TNIP3: variants seen among roughly 807,000 people sequenced by gnomAD.
TNIP3 encodes the protein TNFAIP3 interacting protein 3.
Under a neutral mutation model 54.1 loss-of-function variants are expected in TNIP3, and 34 were observed. The observed-to-expected ratio is 0.63, with a 90% confidence interval of 0.48 to 0.84. The LOEUF (loss-of-function observed/expected upper bound fraction) is 0.84. TNIP3 is among the 40% of genes least tolerant of loss of function. The pLI is 0.00. For synonymous variants in TNIP3, 134 were observed against 136.8 expected, an observed-to-expected ratio of 0.98 and a Z score of 0.14; for missense variants, 366 against 387.6, an observed-to-expected ratio of 0.94 and a Z score of 0.47.
chr4:121,195,372 A>C (rs902470962), intron 2 of TNIP3, among the ~76,000 whole-genome samples: 2 of 152,216 alleles, frequency 1.3e-5, no homozygotes, highest in African/African-American at 2.4e-5. Context: ...AGACAGCATC[A>C]CATAGATTAA....
chr4:121,138,684 G>A lies in TNIP3; in HGVS notation c.886C>T (p.Pro296Ser). 6.2e-7 allele frequency: 1 copy of A among 1,613,466 alleles called. No individual in the cohort carries two copies. Among genetic ancestry groups the A allele is most frequent in the Admixed American group, 1.7e-5 (1 of 59,998 alleles). Residue 296 changes from proline to serine, a missense_variant and splice_region_variant, in exon 10 of 11, where the codon CCA becomes TCA. Pro to Ser is a moderately conservative substitution (Grantham distance 74). Transcript: ENST00000057513. Reference sequence around the variant, plus strand: ...TCAAGAGCATACCACTGATAGTCTGGCTGTGTGGAACAATACAACATTATT... The same window carrying A: ...TCAAGAGCATACCACTGATAGTCTGACTGTGTGGAACAATACAACATTATT... ...GAVQKQREHP[P>S]DYQWYALDQL...
At chr4:121,217,747 T>G (rs934839643), upstream of TNIP3, among the ~76,000 whole-genome samples, 3 of 152,244 alleles carry the variant, frequency 2.0e-5, no homozygotes, top group Non-Finnish European at 2.9e-5. Flanking sequence ...ACATGAAGGC[T>G]TAAATATTTA....
At chr4:121,154,867 T>C (rs115375663) in intron 4 of TNIP3, among the ~76,000 whole-genome samples, 188 bp from the exon 5 acceptor site, 1,973 of 152,112 alleles carry the variant, frequency 0.013, 21 homozygotes, top group Non-Finnish European at 0.02. Context: ...GGATGCACAC[T>C]AGAATTAGGA....
chr4:121,171,088 T>G (rs1731039922), intron 3 of TNIP3, among the ~76,000 whole-genome samples: 1 of 152,200 alleles, frequency 6.6e-6, no homozygotes, highest in South Asian at 2.1e-4. Context: ...AGTGCTGAGA[T>G]CACAGGCGTG....
upstream of TNIP3, chr4:121,164,421 G>A: frequency 1.0e-6 from 1 of 998,674 alleles, no homozygotes; most frequent in Non-Finnish European, 1.3e-6. Flanking sequence ...TAAGACCTGG[G>A]GCAGATTAGC....
chr4:121,161,334 C>T, intron 1 of TNIP3, 118 bp from the exon 2 acceptor site: 4 of 792,262 alleles, frequency 5.0e-6, no homozygotes, highest in Non-Finnish European at 7.9e-6. Context: ...TTAAAAAATA[C>T]CTGATTCTAG....
chr4:121,163,466 C>A (rs1396242767), intron 1 of TNIP3, among the ~76,000 whole-genome samples: 2 of 152,102 alleles, frequency 1.3e-5, no homozygotes, highest in Non-Finnish European at 2.9e-5. Flanking sequence ...TATAATTATT[C>A]CCTATAAAGT....
At chr4:121,132,895 C>T (rs1014642423) in intron 10 of TNIP3, among the ~76,000 whole-genome samples, 19 of 152,160 alleles carry the variant, frequency 1.2e-4, no homozygotes, top group African/African-American at 4.6e-4. Context: ...TGGCCTCGTT[C>T]TAATTATGCC....
At chr4:121,138,847 C>G (rs1302531629) in intron 9 of TNIP3, among the ~76,000 whole-genome samples, 163 bp from the exon 10 acceptor site, 3 of 152,150 alleles carry the variant, frequency 2.0e-5, no homozygotes, top group Non-Finnish European at 4.4e-5. Flanking sequence ...CCCCCCATCA[C>G]TGCCATCATC....
In TNIP3 at chr4:121,132,522, G is replaced by A; in HGVS notation, c.*109C>T. On this transcript the variant is annotated 3_prime_UTR_variant, in exon 11 of 11. Coordinates refer to ENST00000057513, the MANE Select transcript of TNIP3 (RefSeq NM_024873.6). Reference sequence around the variant, plus strand: ...AAACATGACCAGGCACAAATAACAGGGTAGATGATGTGCCTTTGTGGCAGA... The same window carrying A: ...AAACATGACCAGGCACAAATAACAGAGTAGATGATGTGCCTTTGTGGCAGA... 9.9e-7 allele frequency: 1 copy of A among 1,008,794 alleles called. No individual in the cohort carries two copies. The highest frequency in any genetic ancestry group is 1.5e-6 in the Non-Finnish European group (1 of 647,358). The allele number at this position is 1,008,794 out of a possible 1,614,324, so 62.5% of individuals were successfully genotyped here. A position where few individuals can be genotyped will look rare whatever the true frequency, so the allele number is the denominator to read the frequency against.
At chr4:121,212,902 A>C (rs971820130) in intron 2 of TNIP3, among the ~76,000 whole-genome samples, 4 of 152,344 alleles carry the variant, frequency 2.6e-5, no homozygotes, top group Non-Finnish European at 5.9e-5. Context: ...TTTAGTTTTC[A>C]CTTAGCACAT....
At chr4:121,145,264 A>G (rs977549117) in intron 7 of TNIP3, among the ~76,000 whole-genome samples, 6 of 152,344 alleles carry the variant, frequency 3.9e-5, no homozygotes, top group African/African-American at 1.2e-4. Context: ...ATCTCTGTGA[A>G]TTCTATCATT....
chr4:121,209,056 A>G (rs535954331), intron 2 of TNIP3, among the ~76,000 whole-genome samples: 101 of 152,328 alleles, frequency 6.6e-4, no homozygotes, highest in African/African-American at 2.3e-3. Context: ...TTCTGTATGG[A>G]TATAAATACT....
At chr4:121,137,432 A>G (rs1476201708) in intron 10 of TNIP3, 1 of 152,248 alleles carries the variant, frequency 6.6e-6, no homozygotes, top group Non-Finnish European at 1.5e-5. Flanking sequence ...GCAAAGAAAA[A>G]AGAGAGTCCT....
chr4:121,181,552 T>A (rs949727814), intron 3 of TNIP3, among the ~76,000 whole-genome samples: 1 of 152,044 alleles, frequency 6.6e-6, no homozygotes. Flanking sequence ...ACACTGTTCA[T>A]GACATGAATG....
intron 1 of TNIP3, among the ~76,000 whole-genome samples, chr4:121,162,357 T>C (rs1730504487): frequency 6.6e-6 from 1 of 152,200 alleles, no homozygotes; most frequent in African/African-American, 2.4e-5. Flanking sequence ...ATGTTACAAT[T>C]AAGACCACAT....
chr4:121,217,933 C>G (rs187305788), upstream of TNIP3, among the ~76,000 whole-genome samples: 178 of 152,124 alleles, frequency 1.2e-3, no homozygotes, highest in Admixed American at 2.7e-3. Flanking sequence ...ATTATAATGC[C>G]ATCATTTTAC....
At chr4:121,205,827 A>C (rs1241845939) in intron 2 of TNIP3, among the ~76,000 whole-genome samples, 3 of 152,172 alleles carry the variant, frequency 2.0e-5, no homozygotes, top group Non-Finnish European at 2.9e-5. Context: ...GCTATGAAGA[A>C]ATACCTGAGA....
At chr4:121,225,097 CTACAT>C (rs1167691994) in intron 1 of TNIP3, among the ~76,000 whole-genome samples, 1 of 152,218 alleles carries the variant, frequency 6.6e-6, no homozygotes. Flanking sequence ...CTGCTTAAGA[CTACAT>C]TACATCCTAT....
Sources: gnomAD v4.1 joint callset for allele counts (sites outside exome capture counted in the v4.1 genomes callset) on GRCh38, gnomAD v4.1.1 for gene constraint, MANE v1.5 for transcripts, NCBI Gene and HGNC (gene_info 2026-07-23, HGNC 2026-07-21) for gene names.